Variants in KCNQ5 observed in about 807,000 individuals in gnomAD.
KCNQ5 encodes potassium voltage-gated channel subfamily Q member 5, also known as potassium voltage-gated channel subfamily KQT member 5.
KCNQ5 carries 30 observed loss-of-function variants against 98.2 expected under a neutral mutation model. The observed-to-expected ratio is 0.31, with a 90% confidence interval of 0.23 to 0.41. KCNQ5 has a LOEUF of 0.41. Among genes scored for constraint, KCNQ5 ranks in the 10% least tolerant of loss-of-function variants. The probability of loss-of-function intolerance (pLI) is 1.00; values close to 1 mark genes in which losing one functional copy is unlikely to be tolerated. For missense variants in KCNQ5, 835 were observed against 1,182.5 expected (o/e 0.71, Z 4.31); for synonymous variants, 458 against 449.4 (o/e 1.02, Z -0.24).
chr6:72,938,168 T>C (rs6916116), intron 1 of KCNQ5, among the ~76,000 whole-genome samples: 68,065 of 151,946 alleles, frequency 0.45, 16,895 homozygotes, highest in Non-Finnish European at 0.55. Flanking sequence ...AGACATTAAT[T>C]TAATAAACTA....
chr6:72,997,504 A>G (rs9446812), intron 1 of KCNQ5, among the ~76,000 whole-genome samples: 13,058 of 151,934 alleles, frequency 0.086, 1,078 homozygotes, highest in African/African-American at 0.22. Context: ...GGCCGGGCAC[A>G]GTAGCTCATG....
At chr6:73,073,587 C>T (rs1773387878) in intron 3 of KCNQ5, among the ~76,000 whole-genome samples, 2 of 152,164 alleles carry the variant, frequency 1.3e-5, no homozygotes, top group Admixed American at 6.5e-5. Context: ...GTGCCTGGTA[C>T]ATAGTAGGGA....
In KCNQ5 at chr6:73,075,002, T is replaced by C. The variant is rs184194619; in HGVS notation, c.617-2320T>C. 2.6e-5 allele frequency among the ~76,000 whole-genome samples: 4 copies of C among 152,324 alleles called. No homozygotes were observed. In the East Asian group the frequency reaches 7.7e-4, roughly 29 times the overall value. On this transcript the variant is annotated intron_variant, in intron 3 of 13. Coordinates refer to ENST00000370398, the MANE Select transcript of KCNQ5 (RefSeq NM_019842.4). ...TAAGTAATGTCTGTTTGTAAACCAC[T>C]AGTCTCAGGAGTAAATCCCTCAACA...
rs1386288207 is a variant in KCNQ5 at position 73,198,766 on chromosome 6, A to C, written c.*3352A>C. 1 of 152,216 alleles carries C rather than the reference A, an allele frequency of 6.6e-6. No homozygotes were observed. The highest frequency in any genetic ancestry group is 1.9e-4 in the East Asian group (1 of 5,204). 9.4% of individuals were successfully genotyped at this position (152,216 alleles called of 1,614,324 possible). On this transcript the variant is annotated 3_prime_UTR_variant, in exon 14 of 14. Coordinates refer to ENST00000370398, the MANE Select transcript of KCNQ5 (RefSeq NM_019842.4). Reference sequence around the variant, plus strand: ...AAATCGGGAACACCATATCCATTTCAAGCTATCATTAAAGTGTAATTTCCT... The same window carrying C: ...AAATCGGGAACACCATATCCATTTCCAGCTATCATTAAAGTGTAATTTCCT...
intron 1 of KCNQ5, among the ~76,000 whole-genome samples, chr6:72,776,698 T>G (rs780549598): frequency 1.3e-5 from 2 of 152,192 alleles, no homozygotes; most frequent in Non-Finnish European, 2.9e-5. Flanking sequence ...ATTCACTTAT[T>G]CAGTTGAGTG....
intron 1 of KCNQ5, among the ~76,000 whole-genome samples, chr6:72,962,260 TATATATAC>T (rs1562096122): frequency 2.1e-5 from 3 of 144,918 alleles, no homozygotes; most frequent in African/African-American, 7.6e-5. Flanking sequence ...TACACACATA[TATATATAC>T]ATATATATAT....
intron 1 of KCNQ5, among the ~76,000 whole-genome samples, chr6:72,737,126 A>T (rs1339430877): frequency 6.6e-6 from 1 of 151,984 alleles, no homozygotes; most frequent in Admixed American, 6.5e-5. Context: ...ACGCCCGGCT[A>T]ATTTCTATAT....
At chr6:73,161,795 C>T (rs963391288) in intron 10 of KCNQ5, among the ~76,000 whole-genome samples, 1 of 152,180 alleles carries the variant, frequency 6.6e-6, no homozygotes, top group African/African-American at 2.4e-5. Flanking sequence ...AAATGGTCTT[C>T]TTTACCATCC....
chr6:73,115,009 TA>T (rs1194602171), intron 7 of KCNQ5, among the ~76,000 whole-genome samples: 4 of 152,022 alleles, frequency 2.6e-5, no homozygotes, highest in Admixed American at 2.0e-4. Context: ...GCTCCAGTCA[TA>T]AATAAAAACA....
At chr6:72,704,770 T>G (rs940909127) in intron 1 of KCNQ5, among the ~76,000 whole-genome samples, 1 of 152,136 alleles carries the variant, frequency 6.6e-6, no homozygotes, top group Non-Finnish European at 1.5e-5. Context: ...GATTTGGTGA[T>G]ACAGCAAACA....
At chr6:73,188,755 T>C (rs151076340) in intron 11 of KCNQ5, among the ~76,000 whole-genome samples, 4,669 of 151,994 alleles carry the variant, frequency 0.031, 91 homozygotes, top group East Asian at 0.069. Context: ...GAGGCTGAGG[T>C]GGGCAGATCA....
chr6:72,986,599 C>T (rs373154917), intron 1 of KCNQ5: 10 of 659,240 alleles, frequency 1.5e-5, no homozygotes, highest in East Asian at 5.2e-5. Flanking sequence ...GTGAGGAGCA[C>T]GTAGAACCTG....
chr6:72,985,638 T>C (rs1032349753), intron 1 of KCNQ5, among the ~76,000 whole-genome samples: 1 of 152,160 alleles, frequency 6.6e-6, no homozygotes, highest in Non-Finnish European at 1.5e-5. Context: ...GAATGGCTAG[T>C]ATTGAAAAGT....
intron 1 of KCNQ5, among the ~76,000 whole-genome samples, chr6:72,977,803 T>C (rs1768229008): frequency 6.6e-6 from 1 of 152,214 alleles, no homozygotes; most frequent in African/African-American, 2.4e-5. Context: ...TATGTAATAA[T>C]ACGTTGTTTA....
Position 72,828,573 on chromosome 6 carries a change from A to G in KCNQ5, c.399-175335A>G, listed in dbSNP as rs1776103506. 2.0e-5 allele frequency among the ~76,000 whole-genome samples: 3 copies of G among 152,066 alleles called. No homozygotes were observed. In the South Asian group the frequency reaches 6.2e-4, roughly 31 times the overall value. On this transcript the variant is annotated intron_variant, in intron 1 of 13. Transcript: ENST00000370398. ...ACTCATTTTTGTATATTAATTCTGT[A>G]TCCTGCAACTTTACTGAATTCGTTT...
intron 1 of KCNQ5, among the ~76,000 whole-genome samples, chr6:72,816,905 A>G (rs2150109882): frequency 6.6e-6 from 1 of 152,344 alleles, no homozygotes; most frequent in African/African-American, 2.4e-5. Flanking sequence ...TACATTCAGC[A>G]AAGAGTAGGG....
At chr6:72,984,416 G>T (rs945870282) in intron 1 of KCNQ5, among the ~76,000 whole-genome samples, 4 of 152,188 alleles carry the variant, frequency 2.6e-5, no homozygotes, top group Non-Finnish European at 5.9e-5. Flanking sequence ...CCTCAGCAAT[G>T]GTGGATGCCC....
chr6:72,963,654 T>TTTTA lies in KCNQ5; in HGVS notation c.399-40231_399-40228dup, dbSNP rs144818469. 3.2e-3 allele frequency among the ~76,000 whole-genome samples: 494 copies of TTTTA among 152,052 alleles called. 1 individual carries two copies. The highest frequency in any genetic ancestry group is 9.0e-3 in the African/African-American group (372 of 41,506). ...CTATAGCTATTAATCACAGCTTTTATTTTATTTATTTATTTATTTATTTAT... is the reference window on the plus strand; with the variant it reads ...CTATAGCTATTAATCACAGCTTTTATTTTATTTATTTATTTATTTATTTATTTAT... On this transcript the variant is annotated intron_variant, in intron 1 of 13. Transcript: ENST00000370398.
chr6:72,801,061 T>G (rs1210805502), intron 1 of KCNQ5, among the ~76,000 whole-genome samples: 5 of 152,268 alleles, frequency 3.3e-5, no homozygotes, highest in African/African-American at 1.2e-4. Context: ...TGGTCAATTT[T>G]GGGATAGGTG....
Sources: allele counts gnomAD v4.1 joint callset (sites outside exome capture counted in the v4.1 genomes callset), GRCh38; gene constraint gnomAD v4.1.1; transcripts MANE v1.5; gene names NCBI Gene and HGNC (gene_info 2026-07-23, HGNC 2026-07-21).